The following GRM1 variants were observed in gnomAD, a reference collection of about 807,000 sequenced individuals.
GRM1 encodes metabotropic glutamate receptor 1.
Under a neutral mutation model 90.9 loss-of-function variants are expected in GRM1, and 33 were observed. The observed-to-expected ratio is 0.36, with a 90% CI of 0.28 to 0.49. The LOEUF is 0.49. Among genes scored for constraint, GRM1 ranks in the 20% least tolerant of loss-of-function variants. The pLI, the probability that GRM1 is intolerant of heterozygous loss-of-function variation, is 0.99. For synonymous variants in GRM1, 700 were observed against 613.2 expected, an observed-to-expected ratio of 1.14 and a Z score of -2.09; for missense variants, 1,190 against 1,534.3, an observed-to-expected ratio of 0.78 and a Z score of 3.75.
At chr6:146,048,754 G>A (rs1377877609) in intron 1 of GRM1, among the ~76,000 whole-genome samples, 1 of 151,966 alleles carries the variant, frequency 6.6e-6, no homozygotes, top group Admixed American at 6.6e-5. Context: ...TGAAGATGAA[G>A]ACGGAGATTG....
intron 1 of GRM1, among the ~76,000 whole-genome samples, chr6:146,090,416 G>T (rs903262692): frequency 6.6e-6 from 1 of 152,080 alleles, no homozygotes; most frequent in Non-Finnish European, 1.5e-5. Context: ...TAACATAGCT[G>T]CTTCTGCATT....
chr6:146,179,325 A>G (rs909560368), intron 2 of GRM1, among the ~76,000 whole-genome samples: 6 of 152,184 alleles, frequency 3.9e-5, no homozygotes, highest in African/African-American at 1.2e-4. Context: ...TTGAGCTTGC[A>G]GAGAGATGAC....
intron 1 of GRM1, among the ~76,000 whole-genome samples, chr6:146,124,774 C>T (rs2128878338): frequency 6.6e-6 from 1 of 152,170 alleles, no homozygotes; most frequent in Non-Finnish European, 1.5e-5. Context: ...TAAATGCATG[C>T]TTATCTTTTT....
chr6:146,327,826 A>G (rs1197938999), intron 3 of GRM1, among the ~76,000 whole-genome samples: 1 of 152,018 alleles, frequency 6.6e-6, no homozygotes, highest in Non-Finnish European at 1.5e-5. Context: ...CACTTTCCCT[A>G]GTTTCTTCTT....
chr6:146,296,811 A>C (rs1382606698), intron 2 of GRM1, among the ~76,000 whole-genome samples: 2 of 152,160 alleles, frequency 1.3e-5, no homozygotes, highest in Admixed American at 6.5e-5. Context: ...GACTGACTTC[A>C]AGCCTCCTCA....
intron 2 of GRM1, among the ~76,000 whole-genome samples, chr6:146,194,318 A>G (rs1779042184): frequency 6.6e-6 from 1 of 152,052 alleles, no homozygotes; most frequent in African/African-American, 2.4e-5. Context: ...CCATGACACA[A>G]GCTACCTCTC....
At chr6:146,309,069 CTAGAAGTTAA>C (rs1417775131) in intron 3 of GRM1, among the ~76,000 whole-genome samples, 1 of 151,926 alleles carries the variant, frequency 6.6e-6, no homozygotes, top group African/African-American at 2.4e-5. Context: ...AGTTGTATTT[CTAGAAGTTAA>C]ATTTCTAGAA....
chr6:146,433,772 A>T lies in GRM1; in HGVS notation c.2661-100A>T, dbSNP rs182218181. 3.7e-5 allele frequency: 31 copies of T among 833,868 alleles called. No homozygotes were observed. In the African/African-American group the frequency reaches 4.3e-4, roughly 12 times the overall value. 51.7% of individuals were successfully genotyped at this position (833,868 alleles called of 1,614,324 possible). A position where few individuals can be genotyped will look rare whatever the true frequency, so the allele number is the denominator to read the frequency against. ...AGCAAAGGCCTACAGCAGAGACAGCAGTTAAATCACACTGAGCTAGGTTTG... is the reference window on the plus strand; with the variant it reads ...AGCAAAGGCCTACAGCAGAGACAGCTGTTAAATCACACTGAGCTAGGTTTG... On this transcript the variant is annotated intron_variant, in intron 7 of 7. Coordinates refer to ENST00000282753, the MANE Select transcript of GRM1 (RefSeq NM_001278064.2).
chr6:146,087,496 CAT>C (rs896631345), intron 1 of GRM1, among the ~76,000 whole-genome samples: 12 of 152,196 alleles, frequency 7.9e-5, no homozygotes, highest in East Asian at 5.8e-4. Context: ...AATTTTGTCA[CAT>C]GTGTAGATTC....
chr6:146,354,976 T>G (rs1325587302), intron 4 of GRM1, among the ~76,000 whole-genome samples: 1 of 152,156 alleles, frequency 6.6e-6, no homozygotes, highest in Admixed American at 6.5e-5. Flanking sequence ...GAATTTTTTT[T>G]GTTTCTAAAT....
intron 3 of GRM1, among the ~76,000 whole-genome samples, chr6:146,339,697 A>T (rs1406849308): frequency 6.6e-6 from 1 of 152,236 alleles, no homozygotes; most frequent in African/African-American, 2.4e-5. Context: ...GCATGAAAAT[A>T]AGCAAAGTGC....
intron 7 of GRM1, among the ~76,000 whole-genome samples, chr6:146,410,667 T>C (rs189827219): frequency 1.8e-4 from 27 of 151,892 alleles, no homozygotes; most frequent in Admixed American, 7.9e-4. Flanking sequence ...TCCCATTAGC[T>C]AGACCAAGAA....
At chr6:146,131,388 A>C (rs1365918010) in intron 1 of GRM1, among the ~76,000 whole-genome samples, 1 of 152,094 alleles carries the variant, frequency 6.6e-6, no homozygotes. Context: ...CCTGGGTTTC[A>C]ATGTGATCTT....
intron 5 of GRM1, among the ~76,000 whole-genome samples, chr6:146,375,920 G>A (rs1776082563): frequency 6.6e-6 from 1 of 151,742 alleles, no homozygotes; most frequent in Non-Finnish European, 1.5e-5. Context: ...TTGTTTTCTG[G>A]TAGTTTTATG....
rs562596348 is a variant in GRM1 at position 146,050,721 on chromosome 6, A to G, written c.700+20504A>G. Among the ~76,000 whole-genome samples, 8 of 152,120 alleles carry G rather than the reference A, an allele frequency of 5.3e-5. No homozygotes were observed. In the South Asian group the frequency reaches 1.7e-3, roughly 32 times the overall value. On this transcript the variant is annotated intron_variant, in intron 1 of 7. Coordinates refer to ENST00000282753, the MANE Select transcript of GRM1 (RefSeq NM_001278064.2). ...TCTACACACTGCCAATTAATTTTCC[A>G]TTGTAGTGTTAGTTCATGCAGAAGC...
chr6:146,208,174 A>C (rs1779558350), intron 2 of GRM1, among the ~76,000 whole-genome samples: 1 of 152,162 alleles, frequency 6.6e-6, no homozygotes, highest in South Asian at 2.1e-4. Context: ...GCTTACAGCG[A>C]CTTAGATAAT....
At chr6:146,426,033 T>A (rs1308139622) in intron 7 of GRM1, among the ~76,000 whole-genome samples, 2 of 152,238 alleles carry the variant, frequency 1.3e-5, no homozygotes, top group East Asian at 3.8e-4. Context: ...GGTCTGTTGC[T>A]GCTCCCTCTC....
chr6:146,343,809 T>C (rs1001171901), intron 3 of GRM1, among the ~76,000 whole-genome samples: 1 of 152,118 alleles, frequency 6.6e-6, no homozygotes, highest in African/African-American at 2.4e-5. Flanking sequence ...GTTTACTTTC[T>C]GGCACTACCA....
intron 7 of GRM1, among the ~76,000 whole-genome samples, chr6:146,404,158 T>G (rs1396299278): frequency 2.6e-5 from 4 of 152,146 alleles, no homozygotes; most frequent in Non-Finnish European, 5.9e-5. Flanking sequence ...ATGATATTTA[T>G]AGTAAACATC....
Sources: gnomAD v4.1 joint callset for allele counts (sites outside exome capture counted in the v4.1 genomes callset) on GRCh38, gnomAD v4.1.1 for gene constraint, MANE v1.5 for transcripts, NCBI Gene and HGNC (gene_info 2026-07-23, HGNC 2026-07-21) for gene names.